PCBP4: variants seen among roughly 807,000 people sequenced by gnomAD.
PCBP4 encodes the protein poly(rC)-binding protein 4.
A neutral mutation model predicts 46.2 loss-of-function variants in PCBP4; 24 were observed. The ratio of observed to expected loss-of-function variants is 0.52; its 90% CI spans 0.38 to 0.73. The LOEUF is 0.73. Among genes scored for constraint, PCBP4 ranks in the 30% least tolerant of loss-of-function variants. The pLI is 0.00. For synonymous variants in PCBP4, 203 were observed against 224.4 expected (o/e 0.90, Z 0.85); for missense variants, 407 against 537.0 (o/e 0.76, Z 2.39).
At position 51,959,103 on chromosome 3, in the gene PCBP4, A is replaced by T; in HGVS notation, c.701-4T>A. ...GTCTGTGTGCCGGGATCCAGTCCTG[A>T]GGGGGAGAAGAGGGACTGAGTGTGG... On this transcript the variant is annotated splice_polypyrimidine_tract_variant and splice_region_variant and intron_variant, in intron 11 of 13. Transcript: ENST00000461554. This position sits in a 1 kb window ranked among gnomAD's most constrained non-coding sequence, Gnocchi z 5.6. 6.2e-7 allele frequency: 1 copy of T among 1,613,748 alleles called. No individual in the cohort carries two copies. The highest frequency in any genetic ancestry group is 1.3e-5 in the African/African-American group (1 of 74,988).
At chr3:51,963,801 C>G (rs1222090745) in intron 1 of PCBP4, among the ~76,000 whole-genome samples, 1 of 152,184 alleles carries the variant, frequency 6.6e-6, no homozygotes, top group Middle Eastern at 3.2e-3. Context: ...CTGAGAGACT[C>G]TCAAGGTCTT....
chr3:51,964,141 C>T (rs1200894122), intron 1 of PCBP4, among the ~76,000 whole-genome samples: 2 of 152,240 alleles, frequency 1.3e-5, no homozygotes, highest in Non-Finnish European at 2.9e-5. Flanking sequence ...GGCCCCCTCC[C>T]CAGCCCCAGT....
chr3:51,958,310 G>T lies in PCBP4; in HGVS notation c.963C>A (p.Ser321Arg). 1 of 1,532,728 alleles carries T rather than the reference G, an allele frequency of 6.5e-7. No homozygotes were observed. Among genetic ancestry groups the T allele is most frequent in the South Asian group, 1.3e-5 (1 of 77,914 alleles). The allele number at this position is 1,532,728 out of a possible 1,614,324, so 94.9% of individuals were successfully genotyped here. ...GGGCAGGCAGGTCTGCGGGGGCCGA[G>T]CTGGGCGTCCCCCCAGAGGTAGACT... Reference protein sequence around the residue: ...TAKSTSGGTPSSAPADLPAPF... With the variant: ...TAKSTSGGTPRSAPADLPAPF... Residue 321 changes from serine to arginine, a missense_variant, in exon 14 of 14, where the codon AGC becomes AGA. Ser to Arg is a moderately radical substitution (Grantham distance 110). Coordinates refer to ENST00000461554, the MANE Select transcript of PCBP4 (RefSeq NM_001174100.2). The surrounding 1 kb of genome is among the most constrained non-coding windows in gnomAD (Gnocchi z 5.4).
intron 1 of PCBP4, among the ~76,000 whole-genome samples, 193 bp downstream of exon 1, chr3:51,967,132 CT>C (rs1480912081): frequency 2.0e-5 from 3 of 152,156 alleles, no homozygotes; most frequent in Non-Finnish European, 4.4e-5. Context: ...AAGCCCCTCC[CT>C]GGTGCCAAGG....
Position 51,959,075 on chromosome 3 carries a change from C to T in PCBP4, c.725G>A (p.Ser242Asn). 5 of 1,613,942 alleles carry T rather than the reference C, an allele frequency of 3.1e-6. No homozygotes were observed. The highest frequency in any genetic ancestry group is 4.2e-6 in the Non-Finnish European group (5 of 1,179,948). The change falls in exon 12 of 14, where the codon AGC (serine) becomes AAC (asparagine). Residue 242 changes from serine to asparagine, a missense_variant. By Grantham distance (46) the Ser-to-Asn change is conservative. Transcript: ENST00000461554. This position sits in a 1 kb window ranked among gnomAD's most constrained non-coding sequence, Gnocchi z 5.6. ...GTTGGGAACCAAGAACTCCTGTGAG[C>T]TGGTCTGTGTGCCGGGATCCAGTCC... ...VPGLDPGTQT[S>N]SQEFLVPNDL...
At position 51,959,157 on chromosome 3, in the gene PCBP4, C is replaced by T; in HGVS notation, c.701-58G>A. On this transcript the variant is annotated intron_variant, in intron 11 of 13. Coordinates refer to ENST00000461554, the MANE Select transcript of PCBP4 (RefSeq NM_001174100.2). This position sits in a 1 kb window ranked among gnomAD's most constrained non-coding sequence, Gnocchi z 5.6. ...TGGGCCTTTCCCGCCCCACCATTTCCACTCTCCCTGGAAGGGAGGGGGCTG... is the reference window on the plus strand; with the variant it reads ...TGGGCCTTTCCCGCCCCACCATTTCTACTCTCCCTGGAAGGGAGGGGGCTG... The T allele has an allele frequency of 6.2e-7, 1 of 1,613,198 alleles. No homozygotes were observed. Among genetic ancestry groups the T allele is most frequent in the Non-Finnish European group, 8.5e-7 (1 of 1,179,348 alleles).
chr3:51,961,275 G>T lies in PCBP4; in HGVS notation c.-35C>A, dbSNP rs372795970. 2.5e-6 allele frequency: 4 copies of T among 1,602,014 alleles called. No individual in the cohort carries two copies. Among genetic ancestry groups the T allele is most frequent in the East Asian group, 2.2e-5 (1 of 44,548 alleles). ...CGAGGCTGGGGCCACAGCGACCTGC[G>T]AGTGTGTCCGCGCTGCAACCTGGCC... On this transcript the variant is annotated 5_prime_UTR_variant, in exon 3 of 14. Transcript: ENST00000461554.
At chr3:51,965,494 A>G (rs1700379851) in intron 1 of PCBP4, among the ~76,000 whole-genome samples, 1 of 152,078 alleles carries the variant, frequency 6.6e-6, no homozygotes, top group Non-Finnish European at 1.5e-5. Context: ...GTGCCCCTCA[A>G]AGATGTTGCT....
chr3:51,957,763 C>T lies in PCBP4; in HGVS notation c.*298G>A. On this transcript the variant is annotated 3_prime_UTR_variant, in exon 14 of 14. Coordinates refer to ENST00000461554, the MANE Select transcript of PCBP4 (RefSeq NM_001174100.2). ...TAAGGGATGGGGAGTGCGTGAGTGA[C>T]ACCCGCCATGGTGGGGGCACTAGGG... 4.0e-6 allele frequency: 1 copy of T among 248,050 alleles called. No homozygotes were observed. The highest frequency in any genetic ancestry group is 7.7e-6 in the Non-Finnish European group (1 of 129,390). The allele number at this position is 248,050 out of a possible 1,614,324, so 15.4% of individuals were successfully genotyped here. A position where few individuals can be genotyped will look rare whatever the true frequency, so the allele number is the denominator to read the frequency against.
chr3:51,958,360 G>C lies in PCBP4; in HGVS notation c.924-11C>G. 6.8e-7 allele frequency: 1 copy of C among 1,469,142 alleles called. No homozygotes were observed. The highest frequency in any genetic ancestry group is 1.4e-5 in the South Asian group (1 of 70,078). The allele number at this position is 1,469,142 out of a possible 1,614,324, so 91.0% of individuals were successfully genotyped here. On this transcript the variant is annotated splice_polypyrimidine_tract_variant and intron_variant, in intron 13 of 13. Coordinates refer to ENST00000461554, the MANE Select transcript of PCBP4 (RefSeq NM_001174100.2). The surrounding 1 kb of genome is among the most constrained non-coding windows in gnomAD (Gnocchi z 5.4). The stretch of plus-strand genomic sequence containing the variant: ...TTGGCCGTCTCTAGACTGGAGAGAG[G>C]GATATAGAGGGGAGACAAAGGGGAA...
rs1469976203 is a variant in PCBP4, at chr3:51,962,006, G to C, written c.-130C>G. 6.6e-6 allele frequency: 1 copy of C among 152,524 alleles called. No homozygotes were observed. Among genetic ancestry groups the C allele is most frequent in the Non-Finnish European group, 1.5e-5 (1 of 68,226 alleles). The allele number at this position is 152,524 out of a possible 1,614,324, so 9.4% of individuals were successfully genotyped here. A position where few individuals can be genotyped will look rare whatever the true frequency, so the allele number is the denominator to read the frequency against. ...GGCAGGGTTCATTCAGCACTGGGCT[G>C]CAGTGGGTGGGGCACAGCGTGTCAG... On this transcript the variant is annotated 5_prime_UTR_variant, in exon 2 of 14. Transcript: ENST00000461554.
chr3:51,958,364 A>G lies in PCBP4; in HGVS notation c.924-15T>C. Reference sequence around the variant, plus strand: ...CCGTCTCTAGACTGGAGAGAGGGATATAGAGGGGAGACAAAGGGGAAAGTG... The same window carrying G: ...CCGTCTCTAGACTGGAGAGAGGGATGTAGAGGGGAGACAAAGGGGAAAGTG... On this transcript the variant is annotated splice_polypyrimidine_tract_variant and intron_variant, in intron 13 of 13. Transcript: ENST00000461554. The surrounding 1 kb of genome is among the most constrained non-coding windows in gnomAD (Gnocchi z 5.4). 6.8e-7 allele frequency: 1 copy of G among 1,465,380 alleles called. No homozygotes were observed. The allele number at this position is 1,465,380 out of a possible 1,614,324, so 90.8% of individuals were successfully genotyped here. A position where few individuals can be genotyped will look rare whatever the true frequency, so the allele number is the denominator to read the frequency against.
At chr3:51,961,744 C>T (rs949815687) in intron 2 of PCBP4, 197 bp downstream of exon 2, 1 of 992,830 alleles carries the variant, frequency 1.0e-6, no homozygotes, top group African/African-American at 1.7e-5. Flanking sequence ...AGGCTGAAAG[C>T]TTACTCCATA....
Position 51,960,821 on chromosome 3 carries a change from T to A in PCBP4, c.138+45A>T. On this transcript the variant is annotated intron_variant, in intron 5 of 13. Transcript: ENST00000461554. This position sits in a 1 kb window ranked among gnomAD's most constrained non-coding sequence, Gnocchi z 5.0. ...GAGAAAGTGGGGCAGGGATCTCCCCTCCACATCAGGTGCCCTGGGCTCCTC... is the reference window on the plus strand; with the variant it reads ...GAGAAAGTGGGGCAGGGATCTCCCCACCACATCAGGTGCCCTGGGCTCCTC... 1.2e-6 allele frequency: 2 copies of A among 1,603,112 alleles called. No individual in the cohort carries two copies. Among genetic ancestry groups the A allele is most frequent in the Non-Finnish European group, 1.7e-6 (2 of 1,170,326 alleles).
In PCBP4 at chr3:51,960,637, ACTGCT is replaced by A; in HGVS notation, c.139_143del (p.Ser47CysfsTer12). On this transcript the variant is annotated frameshift_variant and splice_region_variant, in exon 6 of 14. Transcript: ENST00000461554. LOFTEE classifies it high-confidence loss of function. This position sits in a 1 kb window ranked among gnomAD's most constrained non-coding sequence, Gnocchi z 5.0. ...AGCCCTCGGAGATGGTGATCCGGGC[ACTGCT>A]CTGCAGATATAGAATGAGCGCCGGG... 6.2e-6 allele frequency: 10 copies of A among 1,612,560 alleles called. No homozygotes were observed. The highest frequency in any genetic ancestry group is 8.5e-6 in the Non-Finnish European group (10 of 1,178,568).
chr3:51,963,961 G>A (rs1361788860), intron 1 of PCBP4, among the ~76,000 whole-genome samples: 1 of 152,208 alleles, frequency 6.6e-6, no homozygotes, highest in African/African-American at 2.4e-5. Context: ...CCAGCCGGGT[G>A]GGCCCTGGGT....
rs1233938581 is a variant in PCBP4, at chr3:51,959,107, G to A, written c.701-8C>T. ...GTGTGCCGGGATCCAGTCCTGAGGG[G>A]GAGAAGAGGGACTGAGTGTGGTTCT... is the stretch of plus-strand genomic sequence containing the variant. On this transcript the variant is annotated splice_polypyrimidine_tract_variant and splice_region_variant and intron_variant, in intron 11 of 13. Transcript: ENST00000461554. This position sits in a 1 kb window ranked among gnomAD's most constrained non-coding sequence, Gnocchi z 5.6. 6.2e-7 allele frequency: 1 copy of A among 1,613,798 alleles called. No individual in the cohort carries two copies. The highest frequency in any genetic ancestry group is 2.2e-5 in the East Asian group (1 of 44,866).
chr3:51,966,793 G>C (rs1700451399), intron 1 of PCBP4, among the ~76,000 whole-genome samples: 1 of 151,960 alleles, frequency 6.6e-6, no homozygotes, highest in Non-Finnish European at 1.5e-5. Context: ...GTGAGTAGCA[G>C]AGCCTCCCAC....
At position 51,959,079 on chromosome 3, in the gene PCBP4, T is replaced by C; in HGVS notation, c.721A>G (p.Thr241Ala). 1 of 1,613,836 alleles carries C rather than the reference T, an allele frequency of 6.2e-7. No homozygotes were observed. Among genetic ancestry groups the C allele is most frequent in the Non-Finnish European group, 8.5e-7 (1 of 1,179,948 alleles). The change falls in exon 12 of 14, where the codon ACC becomes GCC. Residue 241 changes from threonine (T) to alanine (A), a missense_variant. Transcript: ENST00000461554. The surrounding 1 kb of genome is among the most constrained non-coding windows in gnomAD (Gnocchi z 5.6). ...GGAACCAAGAACTCCTGTGAGCTGG[T>C]CTGTGTGCCGGGATCCAGTCCTGAG... is the stretch of plus-strand genomic sequence containing the variant. ...VVPGLDPGTQ[T>A]SSQEFLVPND...
Sources: allele counts gnomAD v4.1 joint callset (sites outside exome capture counted in the v4.1 genomes callset), GRCh38; gene constraint gnomAD v4.1.1; non-coding constraint Gnocchi (gnomAD v3.1); transcripts MANE v1.5; gene names NCBI Gene and HGNC (gene_info 2026-07-23, HGNC 2026-07-21).